The following KDM4A variants were observed in gnomAD, a reference collection of about 807,000 sequenced individuals.
The protein encoded by KDM4A is lysine demethylase 4A.
KDM4A carries 23 observed loss-of-function variants against 127.1 expected under a neutral mutation model. The observed-to-expected ratio is 0.18, with a 90% CI of 0.13 to 0.26. The LOEUF is 0.26. Among genes scored for constraint, KDM4A ranks in the 10% least tolerant of loss-of-function variants. KDM4A has a pLI of 1.00. For synonymous variants in KDM4A, 443 were observed against 466.5 expected (o/e 0.95, Z 0.65); for missense variants, 890 against 1,329.1 (o/e 0.67, Z 5.14).
At chr1:43,699,103 T>A (rs921852569) in intron 19 of KDM4A, among the ~76,000 whole-genome samples, 11 of 150,954 alleles carry the variant, frequency 7.3e-5, no homozygotes, top group African/African-American at 2.4e-4. Flanking sequence ...TTTTTTTTTT[T>A]TTTTTTTGAG....
chr1:43,683,784 A>G lies in KDM4A; in HGVS notation c.1835A>G (p.Gln612Arg). Residue 612 changes from glutamine (Q) to arginine (R), a missense_variant, in exon 12 of 22, where the codon CAG becomes CGG. By Grantham distance (43) the Gln-to-Arg change is conservative. Around this residue, in one of 7 missense-constraint regions of KDM4A, gnomAD observed 389 missense variants for 485.9 expected, o/e 0.80. Coordinates refer to ENST00000372396, the MANE Select transcript of KDM4A (RefSeq NM_014663.3). ...CCCCGCCATCACCCACTTGTGCTGC[A>G]GGAGTGTGTCAGTGATGATGGTAAG... is the stretch of plus-strand genomic sequence containing the variant. ...KLPRHHPLVL[Q>R]ECVSDDETSE... 6.2e-7 allele frequency: 1 copy of G among 1,614,130 alleles called. No individual in the cohort carries two copies. Among genetic ancestry groups the G allele is most frequent in the Non-Finnish European group, 8.5e-7 (1 of 1,180,002 alleles).
intron 11 of KDM4A, among the ~76,000 whole-genome samples, chr1:43,681,095 C>T (rs891501303): frequency 2.0e-5 from 3 of 152,260 alleles, no homozygotes; most frequent in African/African-American, 4.8e-5. Flanking sequence ...TACTCCACGA[C>T]GTATTCACTC....
At position 43,655,732 on chromosome 1, in the gene KDM4A, G is replaced by A; in HGVS notation, c.280G>A (p.Val94Ile). The A allele has an allele frequency of 1.2e-6, 2 of 1,612,114 alleles. No homozygotes were observed. Among genetic ancestry groups the A allele is most frequent in the Non-Finnish European group, 8.5e-7 (1 of 1,179,036 alleles). ...QYNIQKKAMT[V>I]REFRKIANSD... ...CAACATACAGAAGAAAGCCATGACT[G>A]TTCGAGAGTTCCGCAAGATAGCCAA... is the stretch of plus-strand genomic sequence containing the variant. Residue 94 changes from valine (V) to isoleucine (I), a missense_variant, in exon 3 of 22, where the codon GTT becomes ATT. Physicochemically the swap from Val to Ile is conservative, Grantham distance 29. Transcript: ENST00000372396.
chr1:43,666,635 C>G (rs1660507077), intron 7 of KDM4A, 80 bp downstream of exon 7: 2 of 1,156,898 alleles, frequency 1.7e-6, no homozygotes, highest in Non-Finnish European at 2.6e-6. Flanking sequence ...TAGTTCATCA[C>G]TATACCAAGA....
chr1:43,679,701 A>G (rs1458038918), intron 11 of KDM4A, among the ~76,000 whole-genome samples: 1 of 152,228 alleles, frequency 6.6e-6, no homozygotes, highest in Non-Finnish European at 1.5e-5. Flanking sequence ...ACTGAGCCAC[A>G]GCCATATGTC....
chr1:43,668,121 T>C (rs1660540447), intron 9 of KDM4A, 102 bp downstream of exon 9: 4 of 1,355,234 alleles, frequency 3.0e-6, no homozygotes, highest in Non-Finnish European at 4.0e-6. Flanking sequence ...TGTTTTGTTT[T>C]GTTTTTGTTT....
chr1:43,655,542 G>C, intron 2 of KDM4A, 49 bp from the exon 3 acceptor site: 2 of 1,520,828 alleles, frequency 1.3e-6, no homozygotes, highest in Non-Finnish European at 1.8e-6. Context: ...GACTCTGACT[G>C]GCTTGCCAGG....
chr1:43,694,578 G>T lies in KDM4A; in HGVS notation c.2485-131G>T. The T allele has an allele frequency of 2.7e-6, 2 of 727,420 alleles. No homozygotes were observed. Among genetic ancestry groups the T allele is most frequent in the Non-Finnish European group, 4.6e-6 (2 of 435,252 alleles). 45.1% of individuals were successfully genotyped at this position (727,420 alleles called of 1,614,324 possible). A position where few individuals can be genotyped will look rare whatever the true frequency, so the allele number is the denominator to read the frequency against. ...TTGTAACCAGACCTGGATTAGAGCA[G>T]GCTGGTGTGTCCTTGTATTTTGGGA... On this transcript the variant is annotated intron_variant, in intron 17 of 21. Coordinates refer to ENST00000372396, the MANE Select transcript of KDM4A (RefSeq NM_014663.3). The surrounding 1 kb of genome is among the most constrained non-coding windows in gnomAD (Gnocchi z 5.2).
At chr1:43,676,074 T>C (rs1290366897) in intron 11 of KDM4A, among the ~76,000 whole-genome samples, 2 of 143,720 alleles carry the variant, frequency 1.4e-5, no homozygotes, top group African/African-American at 5.2e-5. Flanking sequence ...GAGTGAAACT[T>C]TACCTCAAAA....
At chr1:43,666,850 T>C in intron 7 of KDM4A, 104 bp from the exon 8 acceptor site, 1 of 1,179,384 alleles carries the variant, frequency 8.5e-7, no homozygotes, top group Non-Finnish European at 1.2e-6. Flanking sequence ...AGGGGTTTTA[T>C]GACTTACCCT....
Position 43,704,387 on chromosome 1 carries a change from A to G in KDM4A, c.*17A>G. On this transcript the variant is annotated 3_prime_UTR_variant, in exon 22 of 22. Coordinates refer to ENST00000372396, the MANE Select transcript of KDM4A (RefSeq NM_014663.3). ...ATGGAGTAGGTGCTTCCAGGGTCCA[A>G]GGGATTCTCAGCCATCCAGGCAAGA... 2 of 1,608,864 alleles carry G rather than the reference A, an allele frequency of 1.2e-6. No homozygotes were observed. Among genetic ancestry groups the G allele is most frequent in the Non-Finnish European group, 1.7e-6 (2 of 1,177,844 alleles).
Position 43,661,208 on chromosome 1 carries a change from C to G in KDM4A, c.429+796C>G, listed in dbSNP as rs563873219. 2.0e-5 allele frequency among the ~76,000 whole-genome samples: 3 copies of G among 152,118 alleles called. No homozygotes were observed. In the East Asian group the frequency reaches 5.8e-4, roughly 30 times the overall value. On this transcript the variant is annotated intron_variant, in intron 4 of 21. Coordinates refer to ENST00000372396, the MANE Select transcript of KDM4A (RefSeq NM_014663.3). Reference sequence around the variant, plus strand: ...CAGGCTGGTTTTAAACTCCCGACCTCAGGTGATCCACCTGCCTCAGCCTCC... The same window carrying G: ...CAGGCTGGTTTTAAACTCCCGACCTGAGGTGATCCACCTGCCTCAGCCTCC...
intron 11 of KDM4A, among the ~76,000 whole-genome samples, chr1:43,674,999 G>C (rs537278395): frequency 6.6e-6 from 1 of 152,284 alleles, no homozygotes; most frequent in East Asian, 1.9e-4. Flanking sequence ...GTGTGGAAGT[G>C]TGCTAGGGGA....
At chr1:43,662,490 C>G (rs1295859767) in intron 4 of KDM4A, among the ~76,000 whole-genome samples, 3 of 152,116 alleles carry the variant, frequency 2.0e-5, no homozygotes, top group Non-Finnish European at 4.4e-5. Flanking sequence ...TGCCTGTAAT[C>G]CCAGGTGCGC....
intron 11 of KDM4A, among the ~76,000 whole-genome samples, chr1:43,680,365 A>G (rs1372453305): frequency 6.6e-6 from 1 of 152,114 alleles, no homozygotes; most frequent in Admixed American, 6.5e-5. Context: ...GATCATGGAA[A>G]AGGTGTCCTC....
chr1:43,691,673 A>G, intron 15 of KDM4A, 101 bp downstream of exon 15: 1 of 998,808 alleles, frequency 1.0e-6, no homozygotes, highest in South Asian at 1.3e-5. Context: ...CAGTCTGCAT[A>G]GGGTCTGGTA....
intron 10 of KDM4A, 91 bp from the exon 11 acceptor site, chr1:43,671,414 C>A: frequency 7.2e-7 from 1 of 1,386,774 alleles, no homozygotes; most frequent in Non-Finnish European, 9.6e-7. Context: ...CCATTCCCCG[C>A]CCATGTTCCT....
intron 11 of KDM4A, among the ~76,000 whole-genome samples, chr1:43,680,436 T>C (rs1660831429): frequency 6.6e-6 from 1 of 152,230 alleles, no homozygotes; most frequent in Admixed American, 6.5e-5. Flanking sequence ...CCTTTGGAAC[T>C]TGGATCTTAG....
chr1:43,702,636 T>G (rs192448640), intron 19 of KDM4A: 2 of 152,142 alleles, frequency 1.3e-5, no homozygotes, highest in Admixed American at 1.3e-4. Context: ...GGGAATACGA[T>G]GAGGACTTGG....
Sources: allele counts gnomAD v4.1 joint callset (sites outside exome capture counted in the v4.1 genomes callset), GRCh38; gene constraint gnomAD v4.1.1; regional missense constraint gnomAD v4.1.1; non-coding constraint Gnocchi (gnomAD v3.1); transcripts MANE v1.5; gene names NCBI Gene and HGNC (gene_info 2026-07-23, HGNC 2026-07-21).